Variants in SLC25A26 observed in about 807,000 individuals in gnomAD.
SLC25A26 encodes the protein solute carrier family 25 member 26.
SLC25A26 carries 36 observed loss-of-function variants against 37.8 expected under a neutral mutation model. The observed-to-expected ratio is 0.95, with a 90% CI of 0.73 to 1.26. The LOEUF is 1.26. SLC25A26 is among the 50% of genes most tolerant of loss of function. The pLI is 0.00. For missense variants in SLC25A26, 390 were observed against 331.1 expected (o/e 1.18, Z -1.38); for synonymous variants, 129 against 122.5 (o/e 1.05, Z -0.35).
intron 1 of SLC25A26, among the ~76,000 whole-genome samples, chr3:66,147,749 T>A (rs949866646): frequency 6.6e-6 from 1 of 151,964 alleles, no homozygotes; most frequent in African/African-American, 2.4e-5. Context: ...CACTAACATC[T>A]ATTGTTTTTT....
Position 66,236,604 on chromosome 3 carries a change from A to G in SLC25A26, c.94A>G (p.Thr32Ala). 1 of 1,518,172 alleles carries G rather than the reference A, an allele frequency of 6.6e-7. No individual in the cohort carries two copies. Among genetic ancestry groups the G allele is most frequent in the Non-Finnish European group, 8.8e-7 (1 of 1,134,142 alleles). 94.0% of individuals were successfully genotyped at this position (1,518,172 alleles called of 1,614,324 possible). A position where few individuals can be genotyped will look rare whatever the true frequency, so the allele number is the denominator to read the frequency against. ...LILFPLDTIKTRLQSPQGFSK... is the reference protein window; with the variant it reads ...LILFPLDTIKARLQSPQGFSK... ...ATTATTTCCTCTGGATACCATTAAA[A>G]CCAGGCTGCAGAGTCCCCAAGGATT... The change falls in exon 2 of 10, where the codon ACC becomes GCC. Residue 32 changes from threonine (T) to alanine (A), a missense_variant. Physicochemically the swap from Thr to Ala is moderately conservative, Grantham distance 58. Coordinates refer to ENST00000354883, the MANE Select transcript of SLC25A26 (RefSeq NM_001379210.1).
intron 6 of SLC25A26, among the ~76,000 whole-genome samples, chr3:66,356,819 G>C (rs147343458): frequency 0.048 from 7,343 of 152,058 alleles, 229 homozygotes; most frequent in South Asian, 0.075. Flanking sequence ...TGTAGAGACA[G>C]GGTCTCCCTG....
intron 8 of SLC25A26, 139 bp from the exon 9 acceptor site, chr3:66,370,390 T>G (rs1700280466): frequency 1.3e-6 from 1 of 755,942 alleles, no homozygotes; most frequent in African/African-American, 1.7e-5. Flanking sequence ...AGGTCCTGAT[T>G]GCCAAGAAAC....
chr3:66,244,123 A>G (rs545067679), intron 3 of SLC25A26, among the ~76,000 whole-genome samples: 1 of 152,184 alleles, frequency 6.6e-6, no homozygotes, highest in Admixed American at 6.5e-5. Flanking sequence ...TCAAATCTCT[A>G]TAATCCTTAT....
chr3:66,274,104 C>T (rs1483566562), intron 5 of SLC25A26, among the ~76,000 whole-genome samples: 3 of 151,884 alleles, frequency 2.0e-5, no homozygotes, highest in African/African-American at 7.3e-5. Context: ...CGCATATCTA[C>T]AACTATCTGA....
intron 1 of SLC25A26, among the ~76,000 whole-genome samples, chr3:66,164,283 T>C: frequency 6.6e-6 from 1 of 152,230 alleles, no homozygotes; most frequent in East Asian, 1.9e-4. Flanking sequence ...TAGGATTGTT[T>C]AATTGGACAA....
At chr3:66,192,976 A>T (rs1042365812) in intron 1 of SLC25A26, among the ~76,000 whole-genome samples, 152,014 of 152,254 alleles carry the variant, frequency 1, 75,888 homozygotes, top group Non-Finnish European at 1. Flanking sequence ...AAGAAAAGAA[A>T]TATTCCCTTA....
intron 7 of SLC25A26, among the ~76,000 whole-genome samples, chr3:66,367,716 AGAG>A (rs1266259064): frequency 6.7e-6 from 1 of 148,560 alleles, no homozygotes; most frequent in African/African-American, 2.6e-5. Flanking sequence ...ACAGAGAGAG[AGAG>A]AGAGAGAGAG....
intron 5 of SLC25A26, among the ~76,000 whole-genome samples, chr3:66,279,018 C>T (rs1300594295): frequency 6.6e-6 from 1 of 152,086 alleles, no homozygotes; most frequent in Non-Finnish European, 1.5e-5. Flanking sequence ...GTGGGACTTA[C>T]ACCCTGAGAG....
At chr3:66,249,914 A>C (rs1037464588) in intron 3 of SLC25A26, among the ~76,000 whole-genome samples, 1 of 152,196 alleles carries the variant, frequency 6.6e-6, no homozygotes, top group South Asian at 2.1e-4. Flanking sequence ...CACTCAAACA[A>C]ACACTTTTTT....
chr3:66,212,450 A>G (rs1341657729), intron 1 of SLC25A26, among the ~76,000 whole-genome samples: 1 of 152,154 alleles, frequency 6.6e-6, no homozygotes, highest in African/African-American at 2.4e-5. Flanking sequence ...TGCCTAATTT[A>G]TAAATTAAGC....
At chr3:66,171,348 C>T in intron 1 of SLC25A26, among the ~76,000 whole-genome samples, 1 of 152,158 alleles carries the variant, frequency 6.6e-6, no homozygotes, top group East Asian at 1.9e-4. Flanking sequence ...GGTTATGATG[C>T]TGGCTGCTCG....
chr3:66,240,595 C>G (rs2072529095), intron 2 of SLC25A26, among the ~76,000 whole-genome samples: 1 of 151,890 alleles, frequency 6.6e-6, no homozygotes, highest in Non-Finnish European at 1.5e-5. Flanking sequence ...CATTTGTTTA[C>G]ATTTCTCTTA....
intron 1 of SLC25A26, among the ~76,000 whole-genome samples, chr3:66,186,704 T>C (rs1201150170): frequency 1.3e-5 from 2 of 151,860 alleles, no homozygotes; most frequent in African/African-American, 4.8e-5. Context: ...ACCACCTTCA[T>C]CCTTACTCTT....
chr3:66,227,628 C>T (rs546806063), intron 1 of SLC25A26, among the ~76,000 whole-genome samples: 2 of 152,234 alleles, frequency 1.3e-5, no homozygotes, highest in South Asian at 2.1e-4. Context: ...AACTGAAATT[C>T]ATGTATGTAG....
intron 1 of SLC25A26, among the ~76,000 whole-genome samples, chr3:66,144,077 C>G (rs1018759471): frequency 6.6e-6 from 1 of 152,042 alleles, no homozygotes; most frequent in East Asian, 1.9e-4. Flanking sequence ...TGATAGAGAA[C>G]AAATATAAGT....
At chr3:66,329,950 T>C (rs2075932236) in intron 5 of SLC25A26, among the ~76,000 whole-genome samples, 1 of 152,350 alleles carries the variant, frequency 6.6e-6, no homozygotes, top group South Asian at 2.1e-4. Flanking sequence ...AGCATGTTTT[T>C]TGTAGGGATC....
At chr3:66,216,599 T>C (rs983556151), upstream of SLC25A26, among the ~76,000 whole-genome samples, 179 of 152,054 alleles carry the variant, frequency 1.2e-3, no homozygotes, top group South Asian at 9.8e-3. Context: ...GGTTGAAGAT[T>C]ATGTCCTTGT....
chr3:66,372,279 C>T (rs1377636555), intron 9 of SLC25A26, among the ~76,000 whole-genome samples: 1 of 152,156 alleles, frequency 6.6e-6, no homozygotes, highest in Admixed American at 6.5e-5. Context: ...TTCAATTGAC[C>T]TTAGCTTTGT....
Sources: allele counts gnomAD v4.1 joint callset (sites outside exome capture counted in the v4.1 genomes callset), GRCh38; gene constraint gnomAD v4.1.1; transcripts MANE v1.5; gene names NCBI Gene and HGNC (gene_info 2026-07-23, HGNC 2026-07-21).